The following HCN1 variants were observed in gnomAD, a reference collection of about 807,000 sequenced individuals.
HCN1 encodes the protein potassium/sodium hyperpolarization-activated cyclic nucleotide-gated channel 1.
HCN1 carries 13 observed loss-of-function variants against 78.9 expected under a neutral mutation model. The ratio of observed to expected loss-of-function variants is 0.16; its 90% CI spans 0.11 to 0.26. The LOEUF (loss-of-function observed/expected upper bound fraction) is 0.26, where lower values mean the gene tolerates loss of function less well. Ranked by LOEUF, HCN1 falls within the 10% of genes least tolerant of loss-of-function variation. The pLI is 1.00. For missense variants in HCN1, 810 were observed against 1,154.3 expected (o/e 0.70, Z 4.32); for synonymous variants, 552 against 455.5 (o/e 1.21, Z -2.70).
At chr5:45,492,846 T>A (rs1011714103) in intron 2 of HCN1, among the ~76,000 whole-genome samples, 3 of 152,116 alleles carry the variant, frequency 2.0e-5, no homozygotes, top group Non-Finnish European at 4.4e-5. Flanking sequence ...ATCATACCTT[T>A]ATTTTGTTTT....
intron 5 of HCN1, among the ~76,000 whole-genome samples, chr5:45,332,969 C>G (rs1190485120): frequency 1.3e-5 from 2 of 151,642 alleles, no homozygotes; most frequent in Non-Finnish European, 3.0e-5. Flanking sequence ...AGATATCTCT[C>G]TGATATCTCA....
chr5:45,277,925 G>T (rs1364936415), intron 6 of HCN1, among the ~76,000 whole-genome samples: 1 of 152,108 alleles, frequency 6.6e-6, no homozygotes, highest in Non-Finnish European at 1.5e-5. Flanking sequence ...CCCCAAAGTG[G>T]TGTTGGGCCA....
At chr5:45,286,631 T>C (rs956764182) in intron 6 of HCN1, among the ~76,000 whole-genome samples, 1 of 152,042 alleles carries the variant, frequency 6.6e-6, no homozygotes, top group Non-Finnish European at 1.5e-5. Context: ...TTGTTAGTAT[T>C]GAAAATATTA....
At chr5:45,586,192 CA>C (rs1229337540) in intron 2 of HCN1, among the ~76,000 whole-genome samples, 1 of 152,176 alleles carries the variant, frequency 6.6e-6, no homozygotes, top group Non-Finnish European at 1.5e-5. Flanking sequence ...GCTTCCTGGC[CA>C]CTTTGTTTAC....
At chr5:45,481,839 T>C (rs1741658625) in intron 2 of HCN1, among the ~76,000 whole-genome samples, 1 of 152,212 alleles carries the variant, frequency 6.6e-6, no homozygotes, top group African/African-American at 2.4e-5. Context: ...TTTACCTTTG[T>C]CTACTACCAA....
intron 3 of HCN1, among the ~76,000 whole-genome samples, chr5:45,414,589 G>T (rs924474490): frequency 2.0e-5 from 3 of 151,926 alleles, no homozygotes; most frequent in Admixed American, 6.6e-5. Context: ...GGTGGGTCCA[G>T]AGCTTCTAGA....
At chr5:45,582,758 T>A (rs62369111) in intron 2 of HCN1, among the ~76,000 whole-genome samples, 10 of 152,234 alleles carry the variant, frequency 6.6e-5, no homozygotes, top group Non-Finnish European at 1.2e-4. Context: ...AAAGGCCTTT[T>A]CTGCATCTAT....
At chr5:45,657,347 C>T (rs367914079) in intron 1 of HCN1, among the ~76,000 whole-genome samples, 74 of 152,242 alleles carry the variant, frequency 4.9e-4, no homozygotes, top group African/African-American at 1.6e-3. Flanking sequence ...TTTGTCCTAT[C>T]TTCTTTCATC....
chr5:45,319,130 A>G (rs1453334840), intron 5 of HCN1, among the ~76,000 whole-genome samples: 1 of 151,996 alleles, frequency 6.6e-6, no homozygotes, highest in Admixed American at 6.6e-5. Context: ...TTAGGCTAAT[A>G]AAATAAATGT....
At chr5:45,665,109 T>C (rs1261163034) in intron 1 of HCN1, among the ~76,000 whole-genome samples, 3 of 151,814 alleles carry the variant, frequency 2.0e-5, no homozygotes, top group Non-Finnish European at 4.4e-5. Flanking sequence ...CGTGGAATAC[T>C]ATGTAGCCAT....
At chr5:45,569,925 A>G (rs1396212797) in intron 2 of HCN1, among the ~76,000 whole-genome samples, 1 of 152,080 alleles carries the variant, frequency 6.6e-6, no homozygotes, top group Non-Finnish European at 1.5e-5. Context: ...CATACAGGAA[A>G]TGACTTAGAT....
intron 1 of HCN1, among the ~76,000 whole-genome samples, chr5:45,683,089 G>T (rs1739735399): frequency 6.6e-6 from 1 of 151,068 alleles, no homozygotes; most frequent in African/African-American, 2.4e-5. Flanking sequence ...TATTTTTCTA[G>T]GATTTCTGAT....
chr5:45,359,874 T>A (rs1282089549), intron 4 of HCN1, among the ~76,000 whole-genome samples: 3 of 151,724 alleles, frequency 2.0e-5, no homozygotes, highest in Non-Finnish European at 4.4e-5. Flanking sequence ...ATTGTAAAAC[T>A]CCATGAGTGC....
At position 45,570,005 on chromosome 5, in the gene HCN1, T is replaced by C. The variant is rs115569495; in HGVS notation, c.849+75180A>G. On this transcript the variant is annotated intron_variant, in intron 2 of 7. Transcript: ENST00000303230. ...ACAGATTTGACTAAAAGCTACCAAA[T>C]GACTGAAGTAAAAAATTTGTAGGTA... Among the ~76,000 whole-genome samples, 187 of 152,254 alleles carry C rather than the reference T, an allele frequency of 1.2e-3. 1 individual carries two copies. The highest frequency in any genetic ancestry group is 4.4e-3 in the African/African-American group (181 of 41,582).
intron 2 of HCN1, among the ~76,000 whole-genome samples, chr5:45,553,550 T>C (rs958943074): frequency 1.3e-5 from 2 of 151,878 alleles, no homozygotes; most frequent in African/African-American, 2.4e-5. Context: ...CCCCCACCCA[T>C]AGGGTATTGG....
intron 5 of HCN1, among the ~76,000 whole-genome samples, chr5:45,337,152 C>T (rs1164374599): frequency 2.6e-5 from 4 of 152,042 alleles, no homozygotes; most frequent in Non-Finnish European, 5.9e-5. Context: ...TTTACCCCAT[C>T]CTCCAAGTGA....
intron 5 of HCN1, among the ~76,000 whole-genome samples, chr5:45,332,849 C>A (rs1046361468): frequency 3.3e-5 from 5 of 151,548 alleles, no homozygotes; most frequent in Non-Finnish European, 5.9e-5. Context: ...AAAAGTAATT[C>A]ATTTTGTATA....
At chr5:45,393,916 T>C (rs1739635166) in intron 4 of HCN1, among the ~76,000 whole-genome samples, 2 of 152,104 alleles carry the variant, frequency 1.3e-5, no homozygotes, top group Admixed American at 1.3e-4. Flanking sequence ...CCTGGAGGCT[T>C]CAGTCTTATC....
intron 2 of HCN1, among the ~76,000 whole-genome samples, chr5:45,629,835 G>A (rs992758503): frequency 6.6e-6 from 1 of 152,096 alleles, no homozygotes; most frequent in African/African-American, 2.4e-5. Context: ...ATTAAATTAT[G>A]CTAATATTCA....
Sources: allele counts gnomAD v4.1 joint callset (sites outside exome capture counted in the v4.1 genomes callset), GRCh38; gene constraint gnomAD v4.1.1; transcripts MANE v1.5; gene names NCBI Gene and HGNC (gene_info 2026-07-23, HGNC 2026-07-21).